Variants in EHF observed in about 807,000 individuals in gnomAD.
EHF encodes the protein ETS homologous factor.
EHF carries 14 observed loss-of-function variants against 45.1 expected under a neutral mutation model. The observed-to-expected ratio is 0.31, with a 90% CI of 0.21 to 0.49. The LOEUF is 0.49. Among genes scored for constraint, EHF ranks in the 20% least tolerant of loss-of-function variants. The pLI is 0.99. For missense variants in EHF, 282 were observed against 371.4 expected, an observed-to-expected ratio of 0.76 and a Z score of 1.98; for synonymous variants, 136 against 131.8, an observed-to-expected ratio of 1.03 and a Z score of -0.22.
At chr11:34,637,029 C>CAAAAA (rs34992133) in intron 1 of EHF, among the ~76,000 whole-genome samples, 2 of 86,890 alleles carry the variant, frequency 2.3e-5, no homozygotes, top group African/African-American at 9.0e-5. Context: ...AACTTCATCT[C>CAAAAA]AAAAAAAAAA....
At chr11:34,630,658 C>G (rs771899542) in intron 1 of EHF, among the ~76,000 whole-genome samples, 18 of 129,588 alleles carry the variant, frequency 1.4e-4, no homozygotes, top group Non-Finnish European at 2.6e-4. Flanking sequence ...TCCACCCTTC[C>G]TACATTCCTG....
intron 4 of EHF, among the ~76,000 whole-genome samples, chr11:34,649,406 T>C (rs1024273701): frequency 6.6e-6 from 1 of 152,108 alleles, no homozygotes; most frequent in African/African-American, 2.4e-5. Context: ...TTAAAAAGTG[T>C]CAGGGGAGTG....
At chr11:34,626,617 A>T (rs1265168724) in intron 1 of EHF, among the ~76,000 whole-genome samples, 1 of 152,184 alleles carries the variant, frequency 6.6e-6, no homozygotes, top group Non-Finnish European at 1.5e-5. Context: ...CTCTGTCTTG[A>T]TCATGCCCAC....
At chr11:34,650,873 C>T (rs558220062) in intron 4 of EHF, among the ~76,000 whole-genome samples, 49 of 152,208 alleles carry the variant, frequency 3.2e-4, no homozygotes, top group African/African-American at 1.1e-3. Context: ...TTCTTTTCTG[C>T]GATGGGGCAG....
chr11:34,622,262 T>TCA, intron 1 of EHF: 3 of 296,352 alleles, frequency 1.0e-5, no homozygotes, highest in South Asian at 3.6e-5. Flanking sequence ...AGTGTGTGTT[T>TCA]TTAAGATGGA....
intron 1 of EHF, among the ~76,000 whole-genome samples, chr11:34,635,129 C>T (rs1853259950): frequency 6.6e-6 from 1 of 152,132 alleles, no homozygotes; most frequent in South Asian, 2.1e-4. Context: ...TCAGTAAGTC[C>T]TAATTACTAT....
chr11:34,653,657 C>A (rs1014570678), intron 6 of EHF, among the ~76,000 whole-genome samples: 1 of 152,130 alleles, frequency 6.6e-6, no homozygotes, highest in Non-Finnish European at 1.5e-5. Flanking sequence ...GGGGTAATAG[C>A]CCTTCAGTAG....
rs772569143 is a variant in EHF, at chr11:34,649,031, G to T, written c.356G>T (p.Ser119Ile). 2 of 1,614,052 alleles carry T rather than the reference G, an allele frequency of 1.2e-6. No homozygotes were observed. The highest frequency in any genetic ancestry group is 2.2e-5 in the South Asian group (2 of 91,068). ...CTGTCCTTCACAGGCCAGTGCAGTA[G>T]TGACCTGTTCCAGTCCACACACAAT... ...QHLKWNGQCS[S>I]DLFQSTHNVI... The change falls in exon 4 of 9, where the codon AGT becomes ATT. Residue 119 changes from serine to isoleucine, a missense_variant. Physicochemically the swap from Ser to Ile is moderately radical, Grantham distance 142. Transcript: ENST00000257831.
chr11:34,641,534 A>C (rs1255269977), intron 1 of EHF, among the ~76,000 whole-genome samples: 1 of 152,082 alleles, frequency 6.6e-6, no homozygotes, highest in Admixed American at 6.5e-5. Flanking sequence ...CGAGGATGCA[A>C]AATTTCCCCA....
At chr11:34,622,631 C>T (rs1285118503) in intron 1 of EHF, among the ~76,000 whole-genome samples, 2 of 152,100 alleles carry the variant, frequency 1.3e-5, no homozygotes, top group Non-Finnish European at 2.9e-5. Context: ...TTGAAGTTTG[C>T]AGAGGATCCA....
At chr11:34,621,478 T>TTTA (rs148897520) in intron 1 of EHF, among the ~76,000 whole-genome samples, 4,824 of 152,258 alleles carry the variant, frequency 0.032, 249 homozygotes, top group African/African-American at 0.11. Flanking sequence ...TCTCTGTGAA[T>TTTA]TTAAAAGCCC....
chr11:34,660,032 G>A lies in EHF; in HGVS notation c.*1101G>A, dbSNP rs1429690462. Reference sequence around the variant, plus strand: ...TTTAGCTAGTCAATATGAGGATGGTGGTTTATTCTCAGAAGAAAAAGATAT... The same window carrying A: ...TTTAGCTAGTCAATATGAGGATGGTAGTTTATTCTCAGAAGAAAAAGATAT... On this transcript the variant is annotated 3_prime_UTR_variant, in exon 9 of 9. Coordinates refer to ENST00000257831, the MANE Select transcript of EHF (RefSeq NM_012153.6). The A allele has an allele frequency of 6.6e-6, 1 of 152,032 alleles. No homozygotes were observed. Among genetic ancestry groups the A allele is most frequent in the Non-Finnish European group, 1.5e-5 (1 of 68,010 alleles). 9.4% of individuals were successfully genotyped at this position (152,032 alleles called of 1,614,324 possible).
At chr11:34,638,151 C>T (rs1354545456) in intron 1 of EHF, among the ~76,000 whole-genome samples, 1 of 152,220 alleles carries the variant, frequency 6.6e-6, no homozygotes. Context: ...ATCCACCCGC[C>T]TCGGCCTCCC....
intron 6 of EHF, among the ~76,000 whole-genome samples, 175 bp from the exon 7 acceptor site, chr11:34,656,733 C>T (rs1464011494): frequency 6.6e-6 from 1 of 152,214 alleles, no homozygotes; most frequent in Admixed American, 6.5e-5. Context: ...TAACCTGCAT[C>T]ATTTTTCTCC....
chr11:34,647,848 A>C (rs898729336), intron 3 of EHF, among the ~76,000 whole-genome samples: 3 of 152,208 alleles, frequency 2.0e-5, no homozygotes, highest in African/African-American at 7.2e-5. Context: ...CTAGAATCAA[A>C]CCAAACAAGG....
chr11:34,624,881 T>C (rs1029216858), intron 1 of EHF, among the ~76,000 whole-genome samples: 1 of 152,194 alleles, frequency 6.6e-6, no homozygotes, highest in South Asian at 2.1e-4. Flanking sequence ...TCTAGGGACC[T>C]GGTCTAGCAC....
chr11:34,646,488 C>T lies in EHF; in HGVS notation c.147C>T (p.Tyr49=), dbSNP rs754561466. 6.2e-7 allele frequency: 1 copy of T among 1,614,120 alleles called. No individual in the cohort carries two copies. The highest frequency in any genetic ancestry group is 1.7e-5 in the Admixed American group (1 of 60,022). ...GGQWHEIHPQ[Y]WTKYQVWEWL... is the part of the protein sequence containing the mutation. ...AGTGGCATGAAATTCATCCTCAGTA[C>T]TGGACCAAGTACCAGGTGTGGGAGT... The change falls in exon 3 of 9, where the codon TAC becomes TAT. Residue 49 remains tyrosine (Y), a synonymous_variant. Coordinates refer to ENST00000257831, the MANE Select transcript of EHF (RefSeq NM_012153.6).
chr11:34,652,454 G>A lies in EHF; in HGVS notation c.544+649G>A, dbSNP rs148889730. Among the ~76,000 whole-genome samples, 989 of 152,342 alleles carry A rather than the reference G, an allele frequency of 6.5e-3. 7 individuals are homozygous for A. Among genetic ancestry groups the A allele is most frequent in the Non-Finnish European group, 0.011 (731 of 68,036 alleles). On this transcript the variant is annotated intron_variant, in intron 6 of 8. Coordinates refer to ENST00000257831, the MANE Select transcript of EHF (RefSeq NM_012153.6). ...TAACCAAGGTTACACTGGGTGAGAA[G>A]TTTGGGATGTTGGGAGTCTGGGAGA...
intron 7 of EHF, 130 bp from the exon 8 acceptor site, chr11:34,658,403 C>T: frequency 1.4e-6 from 1 of 702,112 alleles, no homozygotes; most frequent in Non-Finnish European, 2.4e-6. Context: ...TTCTGCGATC[C>T]ATCTTCCCTG....
Sources: gnomAD v4.1 joint callset for allele counts (sites outside exome capture counted in the v4.1 genomes callset) on GRCh38, gnomAD v4.1.1 for gene constraint, MANE v1.5 for transcripts, NCBI Gene and HGNC (gene_info 2026-07-23, HGNC 2026-07-21) for gene names.